Variants in GRIK1 observed in about 807,000 individuals in gnomAD.
The protein encoded by GRIK1 is glutamate receptor ionotropic, kainate 1.
A neutral mutation model predicts 105.7 loss-of-function variants in GRIK1; 69 were observed. That is an observed-to-expected ratio of 0.65 (90% CI 0.54 to 0.80). The LOEUF (loss-of-function observed/expected upper bound fraction) is 0.80, where lower values mean the gene tolerates loss of function less well. Among genes scored for constraint, GRIK1 ranks in the 30% least tolerant of loss-of-function variants. The pLI is 0.00. For synonymous variants in GRIK1, 438 were observed against 431.3 expected (o/e 1.02, Z -0.19); for missense variants, 1,109 against 1,167.3 (o/e 0.95, Z 0.73).
chr21:29,645,848 A>G (rs2062607241), intron 6 of GRIK1, among the ~76,000 whole-genome samples: 1 of 152,192 alleles, frequency 6.6e-6, no homozygotes, highest in African/African-American at 2.4e-5. Flanking sequence ...TTGCTCAATG[A>G]CCCTAAGAAA....
chr21:29,709,087 C>A (rs1291380398), intron 1 of GRIK1, among the ~76,000 whole-genome samples: 1 of 152,004 alleles, frequency 6.6e-6, no homozygotes, highest in South Asian at 2.1e-4. Flanking sequence ...CACCTACACA[C>A]ATATATGTCT....
At chr21:29,920,384 A>C (rs892810378) in intron 1 of GRIK1, among the ~76,000 whole-genome samples, 4 of 152,068 alleles carry the variant, frequency 2.6e-5, no homozygotes, top group Non-Finnish European at 5.9e-5. Flanking sequence ...ACGTCTGCAT[A>C]TGCTGTTCCC....
chr21:29,846,111 C>T (rs1169235704), intron 1 of GRIK1, among the ~76,000 whole-genome samples: 2 of 152,142 alleles, frequency 1.3e-5, no homozygotes, highest in African/African-American at 4.8e-5. Flanking sequence ...TGCTTCTTGA[C>T]CGGGTGCAGT....
intron 15 of GRIK1, among the ~76,000 whole-genome samples, chr21:29,560,314 T>TCTTA (rs1568812561): frequency 8.6e-6 from 1 of 116,424 alleles, no homozygotes; most frequent in Non-Finnish European, 1.7e-5. Context: ...TTTCTTTCTT[T>TCTTA]CTTTCTTTCT....
chr21:29,716,276 G>C (rs2409344), intron 1 of GRIK1, among the ~76,000 whole-genome samples: 113,573 of 152,114 alleles, frequency 0.75, 45,318 homozygotes, highest in South Asian at 0.89. Flanking sequence ...CAGTAAACTT[G>C]TACTGGCACA....
At chr21:29,777,723 G>T (rs1444081301) in intron 1 of GRIK1, among the ~76,000 whole-genome samples, 2 of 152,136 alleles carry the variant, frequency 1.3e-5, no homozygotes, top group Non-Finnish European at 2.9e-5. Flanking sequence ...GGGATAACAC[G>T]ATCTGATCCT....
chr21:29,658,110 T>G (rs1477683273), intron 4 of GRIK1, among the ~76,000 whole-genome samples: 1 of 152,144 alleles, frequency 6.6e-6, no homozygotes, highest in Non-Finnish European at 1.5e-5. Flanking sequence ...TTTACTTAAT[T>G]GTCACAATTA....
At chr21:29,757,013 A>C (rs1296368394) in intron 1 of GRIK1, among the ~76,000 whole-genome samples, 1 of 152,144 alleles carries the variant, frequency 6.6e-6, no homozygotes, top group African/African-American at 2.4e-5. Context: ...GCTACTTGGA[A>C]GGCTGAGGCA....
At chr21:29,589,092 G>A (rs1167293049) in intron 10 of GRIK1, 50 bp from the exon 11 acceptor site, 2 of 1,001,166 alleles carry the variant, frequency 2.0e-6, no homozygotes, top group East Asian at 4.8e-5. Flanking sequence ...GAAAGGAAGA[G>A]TTTACCCTAT....
intron 8 of GRIK1, among the ~76,000 whole-genome samples, chr21:29,597,956 G>A (rs6516922): frequency 0.016 from 2,477 of 152,172 alleles, 54 homozygotes; most frequent in African/African-American, 0.057. Context: ...GCAATCGATT[G>A]TTCCCAAAGC....
At chr21:29,724,742 A>G (rs901087682) in intron 1 of GRIK1, among the ~76,000 whole-genome samples, 1 of 152,142 alleles carries the variant, frequency 6.6e-6, no homozygotes, top group African/African-American at 2.4e-5. Context: ...ATGTCCTCTA[A>G]TTCGTGGGCA....
At chr21:29,712,787 T>C (rs2064089361) in intron 1 of GRIK1, among the ~76,000 whole-genome samples, 1 of 152,212 alleles carries the variant, frequency 6.6e-6, no homozygotes, top group East Asian at 1.9e-4. Context: ...GCAGATACTT[T>C]TTCTAGTTTG....
chr21:29,643,201 A>T (rs1248055456), intron 6 of GRIK1, among the ~76,000 whole-genome samples: 1 of 152,162 alleles, frequency 6.6e-6, no homozygotes, highest in African/African-American at 2.4e-5. Context: ...CTTTAAAAAA[A>T]AATAAAGCAA....
At chr21:29,910,903 G>C (rs186659596) in intron 1 of GRIK1, among the ~76,000 whole-genome samples, 1 of 151,870 alleles carries the variant, frequency 6.6e-6, no homozygotes, top group South Asian at 2.1e-4. Context: ...GACTGACTTC[G>C]TTAGTTTGGA....
chr21:29,799,998 C>T (rs455354), intron 1 of GRIK1, among the ~76,000 whole-genome samples: 23,990 of 152,182 alleles, frequency 0.16, 1,858 homozygotes, highest in Non-Finnish European at 0.16. Flanking sequence ...GAGGCTTCTC[C>T]GAACTTCTTC....
At chr21:29,580,083 G>A (rs148555390) in intron 13 of GRIK1, among the ~76,000 whole-genome samples, 8,857 of 143,378 alleles carry the variant, frequency 0.062, 498 homozygotes, top group African/African-American at 0.15. Flanking sequence ...ATATGTATAT[G>A]TGTGTGTATA....
chr21:29,874,169 C>A (rs1450144770), intron 1 of GRIK1, among the ~76,000 whole-genome samples: 1 of 152,124 alleles, frequency 6.6e-6, no homozygotes, highest in African/African-American at 2.4e-5. Flanking sequence ...TGTTTGGGGA[C>A]CCCTGCTATC....
intron 1 of GRIK1, among the ~76,000 whole-genome samples, chr21:29,756,700 C>CA (rs1289317616): frequency 3.3e-5 from 5 of 150,926 alleles, no homozygotes; most frequent in Admixed American, 2.6e-4. Flanking sequence ...AAACAAAAAA[C>CA]AAAAAAACAA....
chr21:29,628,709 G>T (rs958979057), intron 7 of GRIK1, among the ~76,000 whole-genome samples: 3 of 152,130 alleles, frequency 2.0e-5, no homozygotes, highest in Non-Finnish European at 4.4e-5. Context: ...AGGTGAAGTG[G>T]GTGGGAATGG....
Sources: allele counts gnomAD v4.1 joint callset (sites outside exome capture counted in the v4.1 genomes callset), GRCh38; gene constraint gnomAD v4.1.1; transcripts MANE v1.5; gene names NCBI Gene and HGNC (gene_info 2026-07-23, HGNC 2026-07-21).